The following GNG4 variants were observed in gnomAD, a reference collection of about 807,000 sequenced individuals.
The protein encoded by GNG4 is G protein subunit gamma 4.
Under a neutral mutation model 5.8 loss-of-function variants are expected in GNG4, and 4 were observed. The observed-to-expected ratio is 0.69, with a 90% CI of 0.34 to 1.57. The LOEUF is 1.57. GNG4 is among the 40% of genes most tolerant of loss of function. The probability of loss-of-function intolerance (pLI) is 0.06; values close to 1 mark genes in which losing one functional copy is unlikely to be tolerated. For synonymous variants in GNG4, 29 were observed against 32.9 expected (o/e 0.88, Z 0.41); for missense variants, 96 against 95.1 (o/e 1.01, Z -0.04).
intron 1 of GNG4, among the ~76,000 whole-genome samples, chr1:235,647,837 C>T (rs1336340618): frequency 2.0e-5 from 3 of 152,096 alleles, no homozygotes; most frequent in African/African-American, 7.2e-5. Context: ...GGTTTCACCA[C>T]GTTGGCCAGG....
At chr1:235,566,605 C>T (rs531355646) in intron 3 of GNG4, 1 of 153,166 alleles carries the variant, frequency 6.5e-6, no homozygotes, top group African/African-American at 2.4e-5. Flanking sequence ...TGTGGAAAAA[C>T]TGTCTCCCAT....
At chr1:235,566,765 A>C (rs1195958533) in intron 3 of GNG4, 2 of 152,586 alleles carry the variant, frequency 1.3e-5, no homozygotes, top group Non-Finnish European at 2.9e-5. Context: ...AGTGCTATGA[A>C]GGATGCATCA....
chr1:235,587,661 T>G (rs1384740171), intron 2 of GNG4, among the ~76,000 whole-genome samples: 2 of 18,312 alleles, frequency 1.1e-4, no homozygotes, highest in Non-Finnish European at 1.1e-4. Context: ...GTGTTGGGTG[T>G]GTGTGTGACT....
chr1:235,580,739 G>GTT (rs1200655746), intron 3 of GNG4, among the ~76,000 whole-genome samples: 11,858 of 97,014 alleles, frequency 0.12, 2,209 homozygotes, highest in East Asian at 0.5. Flanking sequence ...GGCCTATCCC[G>GTT]TTTTTTGTTT....
intron 1 of GNG4, among the ~76,000 whole-genome samples, chr1:235,636,951 G>C (rs1689050473): frequency 6.6e-6 from 1 of 151,764 alleles, no homozygotes. Flanking sequence ...ACCTTGTCCT[G>C]ATGGTGATTC....
At chr1:235,576,638 A>G (rs1049012138) in intron 3 of GNG4, among the ~76,000 whole-genome samples, 4 of 152,220 alleles carry the variant, frequency 2.6e-5, no homozygotes, top group African/African-American at 9.6e-5. Flanking sequence ...GTTTGCAAAG[A>G]ACACACATCT....
intron 2 of GNG4, among the ~76,000 whole-genome samples, chr1:235,585,558 G>A (rs2183482): frequency 0.41 from 62,257 of 151,956 alleles, 13,648 homozygotes; most frequent in East Asian, 0.79. Context: ...TTTATATTTA[G>A]CAATACATTT....
intron 2 of GNG4, among the ~76,000 whole-genome samples, chr1:235,588,654 CAG>C (rs1438645721): frequency 6.6e-6 from 1 of 152,102 alleles, no homozygotes; most frequent in East Asian, 1.9e-4. Context: ...GCGAGGCCCT[CAG>C]AGCTACCTGG....
intron 2 of GNG4, among the ~76,000 whole-genome samples, chr1:235,594,680 C>T (rs1032104898): frequency 6.6e-5 from 10 of 152,214 alleles, no homozygotes; most frequent in Non-Finnish European, 1.0e-4. Flanking sequence ...GCTCCCAGTG[C>T]GGGGCCGCTA....
At chr1:235,574,619 G>A (rs1687429966) in intron 3 of GNG4, among the ~76,000 whole-genome samples, 1 of 152,090 alleles carries the variant, frequency 6.6e-6, no homozygotes, top group Non-Finnish European at 1.5e-5. Context: ...GAGTATATAC[G>A]AGAAATATCT....
chr1:235,587,696 GTGTC>G (rs1164904052), intron 2 of GNG4, among the ~76,000 whole-genome samples: 1 of 100,584 alleles, frequency 9.9e-6, no homozygotes, highest in African/African-American at 3.8e-5. Flanking sequence ...CGAGTGTTGG[GTGTC>G]TGTGTGTGAG....
At chr1:235,599,044 T>C (rs1460967248) in intron 1 of GNG4, among the ~76,000 whole-genome samples, 4 of 152,080 alleles carry the variant, frequency 2.6e-5, no homozygotes, top group South Asian at 4.1e-4. Flanking sequence ...GTGCTTTTAA[T>C]GTGCAGCCGC....
In GNG4 at chr1:235,558,839, T is replaced by C. The variant is rs1686985044; in HGVS notation, c.100-6602A>G. ...CCTCCCCGTCTTAGTATTGAACTGT[T>C]AGAGTTACAAGACAACAGATGTTGA... On this transcript the variant is annotated intron_variant, in intron 3 of 3. Coordinates refer to ENST00000391854, the MANE Select transcript of GNG4 (RefSeq NM_001098722.2). Among the ~76,000 whole-genome samples, 3 of 152,346 alleles carry C rather than the reference T, an allele frequency of 2.0e-5. No individual in the cohort carries two copies. The South Asian group carries it at 6.2e-4, about 32-fold the overall frequency.
chr1:235,611,457 G>A (rs996577513), intron 1 of GNG4, among the ~76,000 whole-genome samples: 14 of 152,078 alleles, frequency 9.2e-5, no homozygotes, highest in African/African-American at 3.1e-4. Flanking sequence ...TATACATGTG[G>A]GCCATTGCGT....
chr1:235,613,331 T>C (rs146191278), intron 1 of GNG4, among the ~76,000 whole-genome samples: 52 of 152,294 alleles, frequency 3.4e-4, no homozygotes, highest in African/African-American at 1.2e-3. Context: ...GCAGGCAGAA[T>C]AATGGCTTCC....
intron 2 of GNG4, among the ~76,000 whole-genome samples, chr1:235,589,549 C>T (rs1462750301): frequency 6.6e-6 from 1 of 152,124 alleles, no homozygotes; most frequent in Non-Finnish European, 1.5e-5. Flanking sequence ...GCCCATCCGC[C>T]CACTCCCCTC....
intron 3 of GNG4, among the ~76,000 whole-genome samples, chr1:235,577,444 C>CT (rs947217813): frequency 4.0e-5 from 6 of 151,272 alleles, no homozygotes; most frequent in East Asian, 1.9e-4. Flanking sequence ...TCAGTGTTTT[C>CT]TTTTTTTTTC....
At chr1:235,621,824 G>A (rs945379609) in intron 1 of GNG4, among the ~76,000 whole-genome samples, 4 of 151,980 alleles carry the variant, frequency 2.6e-5, no homozygotes, top group Admixed American at 6.6e-5. Flanking sequence ...CTACAGGAGT[G>A]CACCACCATG....
At chr1:235,587,601 G>GAGTGTGGGGTGGGGGTGAATGTGAGTGT (rs1687834631) in intron 2 of GNG4, among the ~76,000 whole-genome samples, 1 of 27,090 alleles carries the variant, frequency 3.7e-5, no homozygotes, top group Non-Finnish European at 1.3e-4. Context: ...GAGTGTGGGA[G>GAGTGTGGGGTGGGGGTGAATGTGAGTGT]GGCATGGGGT....
Sources: gnomAD v4.1 joint callset for allele counts (sites outside exome capture counted in the v4.1 genomes callset) on GRCh38, gnomAD v4.1.1 for gene constraint, MANE v1.5 for transcripts, NCBI Gene and HGNC (gene_info 2026-07-23, HGNC 2026-07-21) for gene names.